Variants in PTPRD observed in about 807,000 individuals in gnomAD.
The protein encoded by PTPRD is receptor-type tyrosine-protein phosphatase delta.
PTPRD carries 34 observed loss-of-function variants against 214.5 expected under a neutral mutation model. The ratio of observed to expected loss-of-function variants is 0.16; its 90% CI spans 0.12 to 0.21. The LOEUF is 0.21. Among genes scored for constraint, PTPRD ranks in the 10% least tolerant of loss-of-function variants. The pLI, the probability that PTPRD is intolerant of heterozygous loss-of-function variation, is 1.00. For missense variants in PTPRD, 2,545 were observed against 2,398.7 expected (o/e 1.06, Z -1.27); for synonymous variants, 1,128 against 845.7 (o/e 1.33, Z -5.79).
intron 9 of PTPRD, among the ~76,000 whole-genome samples, chr9:9,236,384 C>A (rs1280743697): frequency 6.6e-6 from 1 of 151,898 alleles, no homozygotes; most frequent in Non-Finnish European, 1.5e-5. Context: ...TAAAAGCTAG[C>A]CTTAGATACT....
chr9:8,378,733 C>A (rs1189793386), intron 37 of PTPRD, among the ~76,000 whole-genome samples: 1 of 152,004 alleles, frequency 6.6e-6, no homozygotes, highest in Non-Finnish European at 1.5e-5. Flanking sequence ...ACAGCCAGTT[C>A]AATGCACTGA....
chr9:9,046,440 G>C (rs1367547478), intron 10 of PTPRD, among the ~76,000 whole-genome samples: 1 of 152,066 alleles, frequency 6.6e-6, no homozygotes, highest in Non-Finnish European at 1.5e-5. Flanking sequence ...AATAAGTTCT[G>C]TTTCCATTTG....
intron 2 of PTPRD, among the ~76,000 whole-genome samples, chr9:10,519,236 G>C (rs868216719): frequency 2.1e-5 from 2 of 94,912 alleles, no homozygotes; most frequent in Non-Finnish European, 3.7e-5. Flanking sequence ...GTTATTAGAA[G>C]AACTCCTCTC....
intron 7 of PTPRD, among the ~76,000 whole-genome samples, chr9:9,683,114 T>G (rs2097105319): frequency 6.6e-6 from 1 of 151,812 alleles, no homozygotes; most frequent in African/African-American, 2.4e-5. Context: ...CTAGATTCTC[T>G]TTTGATGACT....
intron 6 of PTPRD, among the ~76,000 whole-genome samples, chr9:9,765,003 C>A (rs1464418226): frequency 6.6e-6 from 1 of 152,152 alleles, no homozygotes; most frequent in African/African-American, 2.4e-5. Context: ...TAAGTCCCTG[C>A]CAAATGTCAT....
chr9:9,738,624 T>G (rs947734313), intron 6 of PTPRD, among the ~76,000 whole-genome samples: 4 of 151,860 alleles, frequency 2.6e-5, no homozygotes, highest in African/African-American at 9.7e-5. Flanking sequence ...GTATTTTTAG[T>G]AGAGATGGGG....
intron 11 of PTPRD, among the ~76,000 whole-genome samples, chr9:8,982,413 A>T (rs1268721498): frequency 6.6e-6 from 1 of 151,946 alleles, no homozygotes; most frequent in Non-Finnish European, 1.5e-5. Flanking sequence ...AACAAGAATA[A>T]CTTTTTATCT....
intron 8 of PTPRD, among the ~76,000 whole-genome samples, chr9:9,520,205 T>A (rs2096933198): frequency 6.6e-6 from 1 of 150,508 alleles, no homozygotes; most frequent in South Asian, 2.1e-4. Context: ...TAATATAATG[T>A]TCTCTGCCCC....
intron 2 of PTPRD, among the ~76,000 whole-genome samples, chr9:10,392,890 T>A (rs1257567329): frequency 6.6e-6 from 1 of 151,760 alleles, no homozygotes; most frequent in African/African-American, 2.4e-5. Flanking sequence ...AGGCCTTCAG[T>A]GGGTGGAGTA....
Position 9,907,200 on chromosome 9 carries a change from G to C in PTPRD, c.-368+31307C>G, listed in dbSNP as rs190677028. On this transcript the variant is annotated intron_variant, in intron 5 of 45. Coordinates refer to ENST00000381196, the MANE Select transcript of PTPRD (RefSeq NM_002839.4). ...TGCGGTGGCAAACACAGTCTAATTA[G>C]GTCATGTGCAATTGTCATATACATG... Among the ~76,000 whole-genome samples, 139 of 151,710 alleles carry C rather than the reference G, an allele frequency of 9.2e-4. 1 individual carries two copies. The highest frequency in any genetic ancestry group is 1.8e-3 in the Non-Finnish European group (122 of 67,884).
chr9:8,550,596 T>C (rs1484290780), intron 14 of PTPRD, among the ~76,000 whole-genome samples: 1 of 152,158 alleles, frequency 6.6e-6, no homozygotes, highest in Admixed American at 6.5e-5. Flanking sequence ...CCAACATAAT[T>C]TGTGGAAAGA....
At chr9:8,374,116 G>T (rs1385385445) in intron 39 of PTPRD, among the ~76,000 whole-genome samples, 1 of 35,982 alleles carries the variant, frequency 2.8e-5, no homozygotes, top group Non-Finnish European at 4.2e-5. Flanking sequence ...ACACGTGTCT[G>T]TGTGTGTGTG....
At chr9:9,817,680 C>T (rs148845340) in intron 5 of PTPRD, among the ~76,000 whole-genome samples, 186 of 152,164 alleles carry the variant, frequency 1.2e-3, no homozygotes, top group Middle Eastern at 3.4e-3. Flanking sequence ...ATAAAACAAA[C>T]GGGCTAAGGG....
intron 12 of PTPRD, among the ~76,000 whole-genome samples, chr9:8,714,308 T>G (rs202104315): frequency 0.18 from 9,821 of 53,860 alleles, 934 homozygotes; most frequent in African/African-American, 0.42. Context: ...GCTTATTGGG[T>G]TTTTTTTTGT....
intron 2 of PTPRD, among the ~76,000 whole-genome samples, chr9:10,487,030 T>G (rs1006248403): frequency 6.6e-6 from 1 of 152,208 alleles, no homozygotes; most frequent in African/African-American, 2.4e-5. Context: ...TCCTCTTGAT[T>G]AATTGACTTA....
At chr9:8,634,894 A>G (rs1595756552) in intron 13 of PTPRD, among the ~76,000 whole-genome samples, 1 of 151,802 alleles carries the variant, frequency 6.6e-6, no homozygotes, top group East Asian at 1.9e-4. Flanking sequence ...CCAGTGATGT[A>G]ATTTCCAGTT....
At chr9:9,223,576 TA>T (rs1478121460) in intron 9 of PTPRD, among the ~76,000 whole-genome samples, 11 of 152,150 alleles carry the variant, frequency 7.2e-5, no homozygotes, top group African/African-American at 2.6e-4. Flanking sequence ...ATGCCTTCAT[TA>T]TTTTTTTTAA....
At chr9:8,774,424 G>A (rs1157220247) in intron 11 of PTPRD, among the ~76,000 whole-genome samples, 1 of 150,760 alleles carries the variant, frequency 6.6e-6, no homozygotes, top group Non-Finnish European at 1.5e-5. Context: ...AGATGAAGAT[G>A]AAGAAAAAAC....
chr9:8,317,486 A>C lies in PTPRD; in HGVS notation c.*388T>G. On this transcript the variant is annotated 3_prime_UTR_variant, in exon 46 of 46. Transcript: ENST00000381196. The stretch of plus-strand genomic sequence containing the variant: ...AAGCAGAGTCCGTTTCATTGTGAGA[A>C]GCCACACCAGCACATATCTTGTGCT... 4.1e-6 allele frequency: 1 copy of C among 244,750 alleles called. No homozygotes were observed. The highest frequency in any genetic ancestry group is 8.1e-6 in the Non-Finnish European group (1 of 123,584). The allele number at this position is 244,750 out of a possible 1,614,324, so 15.2% of individuals were successfully genotyped here.
Sources: gnomAD v4.1 joint callset for allele counts (sites outside exome capture counted in the v4.1 genomes callset) on GRCh38, gnomAD v4.1.1 for gene constraint, MANE v1.5 for transcripts, NCBI Gene and HGNC (gene_info 2026-07-23, HGNC 2026-07-21) for gene names.